Variants in CPQ observed in about 807,000 individuals in gnomAD.
The protein encoded by CPQ is carboxypeptidase Q, also known as Ser-Met dipeptidase.
In CPQ, 37 loss-of-function variants were observed where a neutral mutation model predicts 45.7. The ratio of observed to expected loss-of-function variants is 0.81; its 90% CI spans 0.62 to 1.07. CPQ has a LOEUF of 1.07. CPQ is among the 50% of genes least tolerant of loss of function. The pLI, the probability that CPQ is intolerant of heterozygous loss-of-function variation, is 0.00. For synonymous variants in CPQ, 186 were observed against 205.8 expected, an observed-to-expected ratio of 0.90 and a Z score of 0.82; for missense variants, 537 against 572.9, an observed-to-expected ratio of 0.94 and a Z score of 0.64.
At chr8:96,709,245 C>A (rs1437742740) in intron 1 of CPQ, among the ~76,000 whole-genome samples, 3 of 152,092 alleles carry the variant, frequency 2.0e-5, no homozygotes, top group Non-Finnish European at 2.9e-5. Context: ...CCTCACCCCT[C>A]TCCCACCCTC....
intron 1 of CPQ, among the ~76,000 whole-genome samples, chr8:96,779,115 CA>C (rs1655526279): frequency 6.7e-6 from 1 of 150,188 alleles, no homozygotes; most frequent in South Asian, 2.1e-4. Flanking sequence ...GACATACATG[CA>C]AAAGGATGTC....
chr8:96,850,996 TG>T (rs1181640012), intron 3 of CPQ, among the ~76,000 whole-genome samples: 1 of 152,210 alleles, frequency 6.6e-6, no homozygotes, highest in Non-Finnish European at 1.5e-5. Context: ...TAGCTTTTTC[TG>T]CTGTAAGTTC....
intron 5 of CPQ, among the ~76,000 whole-genome samples, chr8:96,995,347 A>G (rs1809160322): frequency 6.6e-6 from 1 of 152,066 alleles, no homozygotes; most frequent in African/African-American, 2.4e-5. Context: ...TAATGGCTGA[A>G]TATGAGAGAA....
intron 4 of CPQ, among the ~76,000 whole-genome samples, chr8:96,883,108 T>A (rs1812250750): frequency 6.6e-6 from 1 of 152,242 alleles, no homozygotes; most frequent in South Asian, 2.1e-4. Context: ...TTCAGTTGTT[T>A]CTTCCTTTAT....
At chr8:96,830,139 G>A (rs1811434897) in intron 2 of CPQ, among the ~76,000 whole-genome samples, 1 of 152,140 alleles carries the variant, frequency 6.6e-6, no homozygotes, top group South Asian at 2.1e-4. Context: ...AGAGTAGAAA[G>A]CTAGGTTTCC....
At chr8:96,813,542 C>T (rs1811185792) in intron 2 of CPQ, among the ~76,000 whole-genome samples, 1 of 151,974 alleles carries the variant, frequency 6.6e-6, no homozygotes, top group African/African-American at 2.4e-5. Context: ...GAAGCCAATC[C>T]CAAAAGACAG....
chr8:96,854,320 A>G (rs1336298335), intron 3 of CPQ, among the ~76,000 whole-genome samples: 1 of 151,542 alleles, frequency 6.6e-6, no homozygotes, highest in Non-Finnish European at 1.5e-5. Context: ...TCACGAGGTC[A>G]GGAGATCGAG....
chr8:96,901,316 C>T (rs1812510088), intron 4 of CPQ, among the ~76,000 whole-genome samples: 1 of 152,108 alleles, frequency 6.6e-6, no homozygotes, highest in Non-Finnish European at 1.5e-5. Context: ...GTTTTCTGTT[C>T]CTTCTTGAGT....
chr8:96,738,715 G>GT (rs1343002776), intron 1 of CPQ, among the ~76,000 whole-genome samples: 1 of 152,060 alleles, frequency 6.6e-6, no homozygotes, highest in African/African-American at 2.4e-5. Flanking sequence ...GCAGTGTTTG[G>GT]TTTTTTGTTC....
chr8:96,961,277 AT>A (rs1813457482), intron 4 of CPQ, among the ~76,000 whole-genome samples: 1 of 152,186 alleles, frequency 6.6e-6, no homozygotes, highest in Non-Finnish European at 1.5e-5. Flanking sequence ...TTTAATTTAC[AT>A]TTACATTTCC....
chr8:96,877,634 A>G lies in CPQ; in HGVS notation c.642-2164A>G, dbSNP rs188155383. 2.3e-3 allele frequency among the ~76,000 whole-genome samples: 346 copies of G among 152,374 alleles called. 2 individuals are homozygous for G. The highest frequency in any genetic ancestry group is 7.8e-3 in the African/African-American group (323 of 41,594). On this transcript the variant is annotated intron_variant, in intron 3 of 7. Coordinates refer to ENST00000220763, the MANE Select transcript of CPQ (RefSeq NM_016134.4). ...TAATAACAACTAATTTTTACTAAGT[A>G]ATTACTATGTGCCAAACACTGTCTT...
chr8:96,922,045 A>G (rs1812816044), intron 4 of CPQ, among the ~76,000 whole-genome samples: 1 of 152,104 alleles, frequency 6.6e-6, no homozygotes, highest in African/African-American at 2.4e-5. Flanking sequence ...AGAATGCTCC[A>G]TTTTTCCCCG....
intron 3 of CPQ, among the ~76,000 whole-genome samples, chr8:96,874,315 T>C (rs1387032733): frequency 6.6e-6 from 1 of 151,784 alleles, no homozygotes; most frequent in African/African-American, 2.4e-5. Context: ...AAGTTCTATT[T>C]GGGATATAAT....
At chr8:96,870,725 T>C (rs1246831800) in intron 3 of CPQ, among the ~76,000 whole-genome samples, 4 of 152,014 alleles carry the variant, frequency 2.6e-5, no homozygotes, top group African/African-American at 9.7e-5. Flanking sequence ...ACAGGGCAAA[T>C]GCTCAGTAAG....
intron 1 of CPQ, among the ~76,000 whole-genome samples, chr8:96,721,551 A>G (rs540372213): frequency 6.6e-6 from 1 of 152,048 alleles, no homozygotes; most frequent in Non-Finnish European, 1.5e-5. Flanking sequence ...TAAGCATTCT[A>G]TCAGAATTAG....
intron 1 of CPQ, among the ~76,000 whole-genome samples, chr8:96,660,658 TG>T (rs1460200034): frequency 1.1e-3 from 168 of 151,802 alleles, no homozygotes; most frequent in African/African-American, 3.9e-3. Context: ...TGTGTGTGTG[TG>T]TGTGTTTATA....
chr8:96,884,596 A>G (rs1812274376), intron 4 of CPQ, among the ~76,000 whole-genome samples: 1 of 152,164 alleles, frequency 6.6e-6, no homozygotes, highest in Non-Finnish European at 1.5e-5. Flanking sequence ...ATTATATGGT[A>G]CCATTCATAA....
chr8:96,945,617 C>T (rs990254078), intron 4 of CPQ, among the ~76,000 whole-genome samples: 1 of 151,884 alleles, frequency 6.6e-6, no homozygotes, highest in Non-Finnish European at 1.5e-5. Flanking sequence ...GTTATTTTTG[C>T]CCCTATATCC....
intron 1 of CPQ, among the ~76,000 whole-genome samples, chr8:96,687,149 T>TTTTTCTTTTC (rs539313283): frequency 2.4e-4 from 36 of 151,612 alleles, no homozygotes; most frequent in South Asian, 8.4e-4. Flanking sequence ...TCACATTCCA[T>TTTTTCTTTTC]TTTTCTTTTC....
Sources: gnomAD v4.1 joint callset for allele counts (sites outside exome capture counted in the v4.1 genomes callset) on GRCh38, gnomAD v4.1.1 for gene constraint, MANE v1.5 for transcripts, NCBI Gene and HGNC (gene_info 2026-07-23, HGNC 2026-07-21) for gene names.